The following BCKDHA variants were observed in gnomAD, a reference collection of about 807,000 sequenced individuals.
BCKDHA encodes the protein 2-oxoisovalerate dehydrogenase subunit alpha, mitochondrial.
A neutral mutation model predicts 52.2 loss-of-function variants in BCKDHA; 43 were observed. The observed-to-expected ratio is 0.82, with a 90% CI of 0.64 to 1.06. The LOEUF is 1.06. Among genes scored for constraint, BCKDHA ranks in the 50% least tolerant of loss-of-function variants. The pLI, the probability that BCKDHA is intolerant of heterozygous loss-of-function variation, is 0.00. For missense variants in BCKDHA, 527 were observed against 621.3 expected (o/e 0.85, Z 1.61); for synonymous variants, 234 against 247.9 (o/e 0.94, Z 0.53).
intron 4 of BCKDHA, chr19:41,418,728 C>T (rs1333857850): frequency 1.1e-5 from 5 of 437,726 alleles, no homozygotes; most frequent in African/African-American, 1.0e-4. Flanking sequence ...TTTGTAGAAG[C>T]GAGGCCTCAC....
intron 1 of BCKDHA, among the ~76,000 whole-genome samples, chr19:41,398,909 G>A (rs2039106673): frequency 2.0e-5 from 3 of 152,096 alleles, no homozygotes. Flanking sequence ...CCACCTCATA[G>A]GGCTGTGAAA....
At chr19:41,398,228 C>G (rs953960450) in intron 1 of BCKDHA, among the ~76,000 whole-genome samples, 30 of 152,188 alleles carry the variant, frequency 2.0e-4, no homozygotes, top group Non-Finnish European at 3.8e-4. Flanking sequence ...CACTGGTATT[C>G]AGGGGAGGCT....
intron 1 of BCKDHA, among the ~76,000 whole-genome samples, chr19:41,408,526 T>C (rs1202983846): frequency 6.6e-6 from 1 of 151,678 alleles, no homozygotes; most frequent in African/African-American, 2.4e-5. Flanking sequence ...TGAGCATTTA[T>C]AGGCTTCTCA....
intron 1 of BCKDHA, among the ~76,000 whole-genome samples, chr19:41,408,482 C>T (rs1281044930): frequency 1.3e-5 from 2 of 152,154 alleles, no homozygotes; most frequent in Non-Finnish European, 2.9e-5. Flanking sequence ...TGCCTAGCTC[C>T]AGAGCTAAGA....
chr19:41,417,213 G>A (rs1049955676), intron 4 of BCKDHA, among the ~76,000 whole-genome samples: 2 of 151,724 alleles, frequency 1.3e-5, no homozygotes, highest in Admixed American at 6.6e-5. Context: ...ACGGGGTTTC[G>A]CTGTGTTGCC....
chr19:41,418,707 T>A (rs1419149448), intron 4 of BCKDHA: 2 of 316,506 alleles, frequency 6.3e-6, no homozygotes, highest in Non-Finnish European at 1.3e-5. Flanking sequence ...ATGTTTTGAT[T>A]TTTTTTTTTT....
rs1188999814 is a variant in BCKDHA, at chr19:41,422,189, G to A, written c.672G>A (p.Lys224=). The A allele has an allele frequency of 1.2e-6, 2 of 1,613,926 alleles. No homozygotes were observed. Among genetic ancestry groups the A allele is most frequent in the Non-Finnish European group, 1.7e-6 (2 of 1,180,004 alleles). ...CGGTGGGGGCGGCGTACGCAGCCAA[G>A]CGGGCCAATGCCAACAGGGTCGTCA... ...PQAVGAAYAA[K]RANANRVVIC... The change falls in exon 6 of 9, where the codon AAG becomes AAA. Residue 224 remains lysine (K), a synonymous_variant. Coordinates refer to ENST00000269980, the MANE Select transcript of BCKDHA (RefSeq NM_000709.4).
intron 4 of BCKDHA, chr19:41,418,752 C>G (rs1344872275): frequency 2.2e-6 from 1 of 447,364 alleles, no homozygotes; most frequent in Non-Finnish European, 4.4e-6. Context: ...GTTGCTCAGG[C>G]TGGTCTCCAA....
At chr19:41,410,540 C>T (rs1721970063) in intron 1 of BCKDHA, 97 bp from the exon 2 acceptor site, 10 of 1,415,240 alleles carry the variant, frequency 7.1e-6, no homozygotes, top group African/African-American at 1.4e-5. Context: ...GGGCCACATG[C>T]TCAACCACCA....
intron 1 of BCKDHA, among the ~76,000 whole-genome samples, chr19:41,410,392 G>C (rs1343022243): frequency 1.3e-5 from 2 of 152,226 alleles, no homozygotes; most frequent in African/African-American, 2.4e-5. Context: ...TATGGGATAG[G>C]TGTTAACTGT....
At chr19:41,412,823 C>T (rs1331019513) in intron 3 of BCKDHA, among the ~76,000 whole-genome samples, 1 of 152,160 alleles carries the variant, frequency 6.6e-6, no homozygotes, top group Non-Finnish European at 1.5e-5. Context: ...CCTGCCTTAG[C>T]CCCCCAAGTA....
intron 1 of BCKDHA, 108 bp from the exon 2 acceptor site, chr19:41,410,526 ACTG>A: frequency 8.1e-7 from 1 of 1,238,914 alleles, no homozygotes; most frequent in Non-Finnish European, 1.1e-6. Context: ...CCCAGAGTTC[ACTG>A]GGGCCACATG....
chr19:41,414,364 G>T (rs2039287522), intron 4 of BCKDHA, among the ~76,000 whole-genome samples: 1 of 152,184 alleles, frequency 6.6e-6, no homozygotes. Flanking sequence ...AGTGGCTCAG[G>T]GTCTGTGCTC....
chr19:41,412,494 T>G (rs1199506989), intron 3 of BCKDHA, among the ~76,000 whole-genome samples: 2 of 150,588 alleles, frequency 1.3e-5, no homozygotes, highest in African/African-American at 4.9e-5. Context: ...TTCTCCTGCC[T>G]CAGCCTCCCG....
chr19:41,414,585 C>T (rs775604803), intron 4 of BCKDHA, among the ~76,000 whole-genome samples: 10 of 152,186 alleles, frequency 6.6e-5, no homozygotes, highest in Admixed American at 2.0e-4. Context: ...TCCTCAGGTG[C>T]TGTATCCTTC....
At chr19:41,423,472 T>A (rs2039392811) in intron 8 of BCKDHA, among the ~76,000 whole-genome samples, 4 of 151,494 alleles carry the variant, frequency 2.6e-5, no homozygotes, top group Non-Finnish European at 2.9e-5. Flanking sequence ...AGGTGGCAGA[T>A]CACTTGAGGT....
chr19:41,413,254 C>T (rs1327152738), intron 3 of BCKDHA, among the ~76,000 whole-genome samples: 1 of 152,178 alleles, frequency 6.6e-6, no homozygotes, highest in African/African-American at 2.4e-5. Flanking sequence ...AAGCAGACTT[C>T]CACCAAAATA....
At chr19:41,414,652 A>G (rs984526709) in intron 4 of BCKDHA, among the ~76,000 whole-genome samples, 1 of 152,126 alleles carries the variant, frequency 6.6e-6, no homozygotes, top group Admixed American at 6.6e-5. Context: ...GCAAGATTAG[A>G]GGGGCCCGGC....
chr19:41,411,050 C>T, intron 3 of BCKDHA, 41 bp downstream of exon 3: 1 of 1,596,952 alleles, frequency 6.3e-7, no homozygotes, highest in Non-Finnish European at 8.6e-7. Context: ...CTGGAATTAC[C>T]TGAGGTCCCC....
Sources: allele counts gnomAD v4.1 joint callset (sites outside exome capture counted in the v4.1 genomes callset), GRCh38; gene constraint gnomAD v4.1.1; transcripts MANE v1.5; gene names NCBI Gene and HGNC (gene_info 2026-07-23, HGNC 2026-07-21).